OR6Y1: variants seen among roughly 807,000 people sequenced by gnomAD.
OR6Y1 encodes olfactory receptor 6Y1.
Under a neutral mutation model 0.4 loss-of-function variants are expected in OR6Y1, and 1 was observed. The ratio of observed to expected loss-of-function variants is 2.74; its 90% CI spans 0.97 to 13.02. OR6Y1 has a LOEUF of 13.02. Among genes scored for constraint, OR6Y1 ranks in the 30% most tolerant of loss-of-function variants. The probability of loss-of-function intolerance (pLI) is 0.12; values close to 1 mark genes in which losing one functional copy is unlikely to be tolerated. For missense variants in OR6Y1, 480 were observed against 399.8 expected (o/e 1.20, Z -1.71); for synonymous variants, 173 against 141.1 (o/e 1.23, Z -1.60).
chr1:158,547,179 G>A lies in OR6Y1; in HGVS notation c.927C>T (p.Thr309=). The change falls in exon 2 of 2, where the codon ACC becomes ACT. Residue 309 remains threonine (T), a synonymous_variant. Coordinates refer to ENST00000641622, the MANE Select transcript of OR6Y1 (RefSeq NM_001005189.2). ...GGGGCCCACTTCCTCTGCAATGTAT[G>A]GTCTTTCTGAGGGCTGCCTTTACTT... ...NHEVKAALRK[T]IHCRGSGPQG... is the part of the protein sequence containing the mutation. 1 of 1,613,460 alleles carries A rather than the reference G, an allele frequency of 6.2e-7. No homozygotes were observed. Among genetic ancestry groups the A allele is most frequent in the Non-Finnish European group, 8.5e-7 (1 of 1,179,888 alleles).
chr1:158,547,309 C>G lies in OR6Y1; in HGVS notation c.797G>C (p.Arg266Pro), dbSNP rs113154921. 11 of 1,613,180 alleles carry G rather than the reference C, an allele frequency of 6.8e-6. No homozygotes were observed. The highest frequency in any genetic ancestry group is 1.7e-5 in the Admixed American group (1 of 59,964). ...FYSMTLFTYA[R>P]PKLMYAYNSN... ...ATTGTAGGCATACATGAGTTTGGGA[C>G]GGGCATAGGTGAAAAGTGTCATGGA... The change falls in exon 2 of 2, where the codon CGT becomes CCT. Residue 266 changes from arginine (R) to proline (P), a missense_variant. Arg to Pro is a moderately radical substitution (Grantham distance 103). Coordinates refer to ENST00000641622, the MANE Select transcript of OR6Y1 (RefSeq NM_001005189.2).
In OR6Y1 at chr1:158,547,105, C is replaced by T. The variant is rs375246672; in HGVS notation, c.*23G>A. 195 of 1,595,452 alleles carry T rather than the reference C, an allele frequency of 1.2e-4. 10 individuals are homozygous for T. In the African/African-American group the frequency reaches 2.4e-3, roughly 20 times the overall value. On this transcript the variant is annotated 3_prime_UTR_variant, in exon 2 of 2. Coordinates refer to ENST00000641622, the MANE Select transcript of OR6Y1 (RefSeq NM_001005189.2). Reference sequence around the variant, plus strand: ...TGTAGTGATCATCTCTCAGTTCAAGCCTGAAAGGAATCTATACATTTTTTA... The same window carrying T: ...TGTAGTGATCATCTCTCAGTTCAAGTCTGAAAGGAATCTATACATTTTTTA...
rs943064118 is a variant in OR6Y1, at chr1:158,546,299, C to G, written c.*829G>C. The G allele has an allele frequency of 2.0e-5, 3 of 152,106 alleles. No homozygotes were observed. The highest frequency in any genetic ancestry group is 7.2e-5 in the African/African-American group (3 of 41,398). 9.4% of individuals were successfully genotyped at this position (152,106 alleles called of 1,614,324 possible). A position where few individuals can be genotyped will look rare whatever the true frequency, so the allele number is the denominator to read the frequency against. ...TTTTTGGAGGGAGGGAGGAGTGGGA[C>G]ATAACTTTGCCCATAACAACTACCT... On this transcript the variant is annotated 3_prime_UTR_variant, in exon 2 of 2. Transcript: ENST00000641622.
At chr1:158,551,427 T>G (rs1460248112) in intron 1 of OR6Y1, among the ~76,000 whole-genome samples, 1 of 151,816 alleles carries the variant, frequency 6.6e-6, no homozygotes, top group South Asian at 2.1e-4. Flanking sequence ...CCCAGAGTGA[T>G]TTAAGTGATT....
Position 158,546,417 on chromosome 1 carries a change from G to T in OR6Y1, c.*711C>A, listed in dbSNP as rs1056811953. The T allele has an allele frequency of 4.6e-5, 7 of 151,946 alleles. No individual in the cohort carries two copies. Among genetic ancestry groups the T allele is most frequent in the East Asian group, 1.9e-4 (1 of 5,186 alleles). 9.4% of individuals were successfully genotyped at this position (151,946 alleles called of 1,614,324 possible). A position where few individuals can be genotyped will look rare whatever the true frequency, so the allele number is the denominator to read the frequency against. On this transcript the variant is annotated 3_prime_UTR_variant, in exon 2 of 2. Transcript: ENST00000641622. ...TTTAAAGTGTTTTTTAATATTTAAG[G>T]TTGGTATATGTTATTATAACATTAA...
At chr1:158,550,241 C>T (rs1468150549) in intron 1 of OR6Y1, among the ~76,000 whole-genome samples, 1 of 94,190 alleles carries the variant, frequency 1.1e-5, no homozygotes, top group East Asian at 3.4e-4. Flanking sequence ...TATTGTCATT[C>T]TTGGGTAGCT....
chr1:158,551,267 ACATATTACCTAG>A (rs1647698467), intron 1 of OR6Y1, among the ~76,000 whole-genome samples: 1 of 151,808 alleles, frequency 6.6e-6, no homozygotes, highest in South Asian at 2.1e-4. Context: ...TGAATCTCAA[ACATATTACCTAG>A]CAGCAGGTTA....
At position 158,547,989 on chromosome 1, in the gene OR6Y1, G is replaced by A. The variant is rs918097593; in HGVS notation, c.117C>T (p.Thr39=). ...QLLFFSIFLA[T]YLLTLLENLL... is the part of the protein sequence containing the mutation. Reference sequence around the variant, plus strand: ...GATTCTCCAGCAGTGTCAGCAGATAGGTTGCCAGGAAAATGGAGAAAAAGA... The same window carrying A: ...GATTCTCCAGCAGTGTCAGCAGATAAGTTGCCAGGAAAATGGAGAAAAAGA... Residue 39 remains threonine, a synonymous_variant, in exon 2 of 2, where the codon ACC becomes ACT. Transcript: ENST00000641622. The A allele has an allele frequency of 5.6e-6, 9 of 1,613,406 alleles. No homozygotes were observed. The highest frequency in any genetic ancestry group is 4.0e-5 in the African/African-American group (3 of 74,442).
rs887909279 is a variant in OR6Y1 at position 158,547,383 on chromosome 1, C to T, written c.723G>A (p.Lys241=). The T allele has an allele frequency of 1.9e-6, 3 of 1,613,412 alleles. No homozygotes were observed. In the African/African-American group the frequency reaches 4.0e-5, roughly 22 times the overall value. Residue 241 remains lysine, a synonymous_variant, in exon 2 of 2, where the codon AAG becomes AAA. Coordinates refer to ENST00000641622, the MANE Select transcript of OR6Y1 (RefSeq NM_001005189.2). ...GGTGGGAGGCACAGGTGGAGAATGC[C>T]TTTTGGCGGCCCTGAGCAGAAGGGA... ...LRIPSAQGRQ[K]AFSTCASHLT...
chr1:158,547,822 T>C lies in OR6Y1; in HGVS notation c.284A>G (p.Lys95Arg), dbSNP rs1287810707. ...KMLVDFLSHD[K>R]SISFNGCMTQ... ...CATGCAGCCATTGAAGGAAATACTC[T>C]TGTCATGACTGAGGAAGTCAACAAG... Residue 95 changes from lysine (K) to arginine (R), a missense_variant, in exon 2 of 2, where the codon AAG becomes AGG. Lys to Arg is a conservative substitution (Grantham distance 26). Coordinates refer to ENST00000641622, the MANE Select transcript of OR6Y1 (RefSeq NM_001005189.2). 5 of 1,613,444 alleles carry C rather than the reference T, an allele frequency of 3.1e-6. No homozygotes were observed. The highest frequency in any genetic ancestry group is 4.2e-6 in the Non-Finnish European group (5 of 1,180,010).
chr1:158,550,320 T>TG (rs11427013), intron 1 of OR6Y1, among the ~76,000 whole-genome samples: 77,148 of 150,758 alleles, frequency 0.51, 20,481 homozygotes, highest in African/African-American at 0.62. Flanking sequence ...GTAAATAAAG[T>TG]GGGGATATTT....
chr1:158,547,576 G>A lies in OR6Y1; in HGVS notation c.530C>T (p.Pro177Leu). 1 of 1,613,276 alleles carries A rather than the reference G, an allele frequency of 6.2e-7. No individual in the cohort carries two copies. Among genetic ancestry groups the A allele is most frequent in the Middle Eastern group, 1.6e-4 (1 of 6,062 alleles). Residue 177 changes from proline to leucine, a missense_variant, in exon 2 of 2, where the codon CCT (proline) becomes CTT (leucine). Coordinates refer to ENST00000641622, the MANE Select transcript of OR6Y1 (RefSeq NM_001005189.2). ...ATCACAAAAGTAGTGATTGATCTGAGGCATGCCACAGTAGTGAAGTTGTGC... is the reference window on the plus strand; with the variant it reads ...ATCACAAAAGTAGTGATTGATCTGAAGCATGCCACAGTAGTGAAGTTGTGC... ...FIAQLHYCGM[P>L]QINHYFCDIS... is the part of the protein sequence containing the mutation.
In OR6Y1 at chr1:158,546,800, A is replaced by C; in HGVS notation, c.*328T>G. The C allele has an allele frequency of 4.8e-6, 1 of 206,588 alleles. No individual in the cohort carries two copies. Among genetic ancestry groups the C allele is most frequent in the Non-Finnish European group, 9.8e-6 (1 of 101,706 alleles). The allele number at this position is 206,588 out of a possible 1,614,324, so 12.8% of individuals were successfully genotyped here. A position where few individuals can be genotyped will look rare whatever the true frequency, so the allele number is the denominator to read the frequency against. On this transcript the variant is annotated 3_prime_UTR_variant, in exon 2 of 2. Coordinates refer to ENST00000641622, the MANE Select transcript of OR6Y1 (RefSeq NM_001005189.2). ...TTTGTCCTGTATGGCATTTATTTTGATAAGTTGTGTGGAAAAAGTATTCAT... is the reference window on the plus strand; with the variant it reads ...TTTGTCCTGTATGGCATTTATTTTGCTAAGTTGTGTGGAAAAAGTATTCAT...
chr1:158,553,127 C>A (rs750736489), intron 1 of OR6Y1, among the ~76,000 whole-genome samples: 1 of 152,140 alleles, frequency 6.6e-6, no homozygotes, highest in Non-Finnish European at 1.5e-5. Context: ...AAAACCATGA[C>A]TTGTATTTTG....
rs1647587161 is a variant in OR6Y1, at chr1:158,547,707, A to T, written c.399T>A (p.Asn133Lys). 6.2e-7 allele frequency: 1 copy of T among 1,613,472 alleles called. No individual in the cohort carries two copies. The highest frequency in any genetic ancestry group is 8.5e-7 in the Non-Finnish European group (1 of 1,180,006). Reference protein sequence around the residue: ...MAFDRYVAICNPLRYPVIMTN... With the variant: ...MAFDRYVAICKPLRYPVIMTN... ...TCATGATGACTGGGTAGCGTAGTGG[A>T]TTACAAATGGCTACATAGCGGTCAA... Residue 133 changes from asparagine to lysine, a missense_variant, in exon 2 of 2, where the codon AAT (asparagine) becomes AAA (lysine). Asn to Lys is a moderately conservative substitution (Grantham distance 94, BLOSUM62 0). Transcript: ENST00000641622.
chr1:158,552,355 T>C (rs1471141987), intron 1 of OR6Y1, among the ~76,000 whole-genome samples: 1 of 151,756 alleles, frequency 6.6e-6, no homozygotes, highest in East Asian at 1.9e-4. Context: ...ATCATCAGGC[T>C]ATGGAAAATA....
At chr1:158,554,071 G>A (rs1415195332) in intron 1 of OR6Y1, among the ~76,000 whole-genome samples, 195 bp downstream of exon 1, 1 of 152,090 alleles carries the variant, frequency 6.6e-6, no homozygotes, top group African/African-American at 2.4e-5. Flanking sequence ...TCTATAACTT[G>A]TTGTATCACT....
In OR6Y1 at chr1:158,546,203, G is replaced by C. The variant is rs1006161513; in HGVS notation, c.*925C>G. 10 of 151,912 alleles carry C rather than the reference G, an allele frequency of 6.6e-5. No homozygotes were observed. The highest frequency in any genetic ancestry group is 2.4e-4 in the African/African-American group (10 of 41,252). The allele number at this position is 151,912 out of a possible 1,614,324, so 9.4% of individuals were successfully genotyped here. ...CACCCTAGCAGTCAAATTTTAGCTC[G>C]ATTACCACTATAAAAACCCTACTTT... On this transcript the variant is annotated 3_prime_UTR_variant, in exon 2 of 2. Transcript: ENST00000641622.
chr1:158,549,917 C>T (rs981186677), intron 1 of OR6Y1, among the ~76,000 whole-genome samples: 1 of 151,762 alleles, frequency 6.6e-6, no homozygotes, highest in Non-Finnish European at 1.5e-5. Flanking sequence ...CTCTCTCTTA[C>T]TATATCACCA....
Sources: allele counts gnomAD v4.1 joint callset (sites outside exome capture counted in the v4.1 genomes callset), GRCh38; gene constraint gnomAD v4.1.1; transcripts MANE v1.5; gene names NCBI Gene and HGNC (gene_info 2026-07-23, HGNC 2026-07-21).